Variants in PCDHGB3 observed in about 807,000 individuals in gnomAD.
The protein encoded by PCDHGB3 is protocadherin gamma-B3.
In PCDHGB3, 40 loss-of-function variants were observed where a neutral mutation model predicts 59.2. The observed-to-expected ratio is 0.68, with a 90% CI of 0.52 to 0.88. PCDHGB3 has a LOEUF of 0.88. PCDHGB3 is among the 40% of genes least tolerant of loss of function. The pLI is 0.00. For synonymous variants in PCDHGB3, 581 were observed against 503.6 expected (o/e 1.15, Z -2.06); for missense variants, 1,309 against 1,187.9 (o/e 1.10, Z -1.50).
At chr5:141,441,005 C>T (rs772059231) in intron 1 of PCDHGB3, 1 of 152,116 alleles carries the variant, frequency 6.6e-6, no homozygotes, top group Non-Finnish European at 1.5e-5. Context: ...CTAGTTTGGC[C>T]TTGATCAAAT....
At position 141,424,003 on chromosome 5, in the gene PCDHGB3, T is replaced by C. The variant is rs150506228; in HGVS notation, c.2415+51194T>C. 5.3e-3 allele frequency: 5,614 copies of C among 1,067,752 alleles called. 27 individuals carry two copies. The highest frequency in any genetic ancestry group is 0.01 in the Admixed American group (195 of 19,092). 66.1% of individuals were successfully genotyped at this position (1,067,752 alleles called of 1,614,324 possible). A position where few individuals can be genotyped will look rare whatever the true frequency, so the allele number is the denominator to read the frequency against. ...AGGCTCTCAATTTATTATATATAGA[T>C]ACAAATTAATGATTCACAAACACTT... On this transcript the variant is annotated intron_variant, in intron 1 of 3. Transcript: ENST00000576222.
intron 1 of PCDHGB3, chr5:141,426,420 C>T (rs2096934904): frequency 3.5e-6 from 1 of 287,972 alleles, no homozygotes; most frequent in Non-Finnish European, 6.9e-6. Flanking sequence ...TCCAGGGCTC[C>T]GTGGTGGGGA....
chr5:141,482,160 T>G (rs577572891), intron 1 of PCDHGB3, among the ~76,000 whole-genome samples: 1 of 151,854 alleles, frequency 6.6e-6, no homozygotes, highest in Admixed American at 6.6e-5. Context: ...GTCAAAGATA[T>G]GTAAGATTAA....
At position 141,370,324 on chromosome 5, in the gene PCDHGB3, C is replaced by T. The variant is rs1766812702; in HGVS notation, c.-71C>T. On this transcript the variant is annotated 5_prime_UTR_variant, in exon 1 of 4. Coordinates refer to ENST00000576222, the MANE Select transcript of PCDHGB3 (RefSeq NM_018924.5). The stretch of plus-strand genomic sequence containing the variant: ...GACAAAGCAAATAGTTGGTCCTGCT[C>T]GGAGAACTCTTGGGATTATTTAAAG... The T allele has an allele frequency of 7.3e-7, 1 of 1,378,622 alleles. No individual in the cohort carries two copies. Among genetic ancestry groups the T allele is most frequent in the African/African-American group, 1.4e-5 (1 of 69,158 alleles). The allele number at this position is 1,378,622 out of a possible 1,614,324, so 85.4% of individuals were successfully genotyped here. A position where few individuals can be genotyped will look rare whatever the true frequency, so the allele number is the denominator to read the frequency against.
At chr5:141,504,743 G>A (rs924744762) in intron 2 of PCDHGB3, among the ~76,000 whole-genome samples, 5 of 151,982 alleles carry the variant, frequency 3.3e-5, no homozygotes, top group African/African-American at 9.7e-5. Context: ...GGAAGCCATT[G>A]AATTTTAGAA....
chr5:141,477,571 C>A lies in PCDHGB3; in HGVS notation c.2416-17236C>A, dbSNP rs1470454976. ...TAAACCTAAGTGTCTGGGACCCCGA[C>A]GCCCCGCAGAATGCTCGGCTTTCTT... is the stretch of plus-strand genomic sequence containing the variant. On this transcript the variant is annotated intron_variant, in intron 1 of 3. Coordinates refer to ENST00000576222, the MANE Select transcript of PCDHGB3 (RefSeq NM_018924.5). The surrounding 1 kb of genome is among the most constrained non-coding windows in gnomAD (Gnocchi z 4.9). The A allele has an allele frequency of 3.1e-6, 5 of 1,614,042 alleles. No homozygotes were observed. In the South Asian group the frequency reaches 4.4e-5, roughly 14 times the overall value.
At chr5:141,386,031 T>C (rs1010302626) in intron 1 of PCDHGB3, 2 of 152,232 alleles carry the variant, frequency 1.3e-5, no homozygotes, top group Non-Finnish European at 1.5e-5. Flanking sequence ...ATTTGTGACA[T>C]AGGCAATTAC....
intron 1 of PCDHGB3, among the ~76,000 whole-genome samples, chr5:141,460,418 G>C (rs905215023): frequency 3.3e-5 from 5 of 152,096 alleles, no homozygotes; most frequent in Admixed American, 6.5e-5. Flanking sequence ...TGATGTTTAT[G>C]TATGGTGTAT....
At chr5:141,452,954 T>A (rs1315313825) in intron 1 of PCDHGB3, among the ~76,000 whole-genome samples, 5 of 152,220 alleles carry the variant, frequency 3.3e-5, no homozygotes, top group Non-Finnish European at 1.5e-5. Context: ...ATTGGTTGTC[T>A]TTAAACTGAG....
intron 1 of PCDHGB3, chr5:141,384,715 T>C: frequency 6.2e-7 from 1 of 1,614,088 alleles, no homozygotes. Flanking sequence ...CTGGCTGTCA[T>C]ACCTCCTGCT....
chr5:141,405,760 G>T (rs1048838050), intron 1 of PCDHGB3, among the ~76,000 whole-genome samples: 2 of 152,148 alleles, frequency 1.3e-5, no homozygotes, highest in East Asian at 3.9e-4. Context: ...TTACAGGCGT[G>T]AGCCACTGCG....
At chr5:141,373,805 GAT>G in intron 1 of PCDHGB3, 2 of 337,732 alleles carry the variant, frequency 5.9e-6, no homozygotes, top group African/African-American at 2.1e-5. Context: ...TCCTCTGTGT[GAT>G]AGTTTCACAA....
Position 141,486,046 on chromosome 5 carries a change from C to G in PCDHGB3, c.2416-8761C>G. 1.2e-6 allele frequency: 2 copies of G among 1,614,170 alleles called. No individual in the cohort carries two copies. Among genetic ancestry groups the G allele is most frequent in the Non-Finnish European group, 1.7e-6 (2 of 1,180,036 alleles). The stretch of plus-strand genomic sequence containing the variant: ...GTCATACCCCTGATCGTGTAAGAAA[C>G]CTCTTTAGCCTGCACCCCACTACTG... On this transcript the variant is annotated intron_variant, in intron 1 of 3. Coordinates refer to ENST00000576222, the MANE Select transcript of PCDHGB3 (RefSeq NM_018924.5). This position sits in a 1 kb window ranked among gnomAD's most constrained non-coding sequence, Gnocchi z 5.0.
At chr5:141,497,713 T>C (rs1357797720) in intron 2 of PCDHGB3, among the ~76,000 whole-genome samples, 3 of 152,084 alleles carry the variant, frequency 2.0e-5, no homozygotes, top group Non-Finnish European at 1.5e-5. Context: ...CTCATTTTTG[T>C]ATTTTTAGTA....
Position 141,476,072 on chromosome 5 carries a change from C to A in PCDHGB3, c.2416-18735C>A. 1.3e-6 allele frequency: 2 copies of A among 1,523,462 alleles called. No individual in the cohort carries two copies. The highest frequency in any genetic ancestry group is 1.3e-5 in the South Asian group (1 of 77,998). 94.4% of individuals were successfully genotyped at this position (1,523,462 alleles called of 1,614,324 possible). The stretch of plus-strand genomic sequence containing the variant: ...CGCTGAAAGTTTCTCAGCGAAATCT[C>A]AGGGACGATCTGGACCCCGCTGAGA... On this transcript the variant is annotated intron_variant, in intron 1 of 3. Coordinates refer to ENST00000576222, the MANE Select transcript of PCDHGB3 (RefSeq NM_018924.5). The surrounding 1 kb of genome is among the most constrained non-coding windows in gnomAD (Gnocchi z 7.6).
At chr5:141,382,813 T>A in intron 1 of PCDHGB3, 1 of 1,218,620 alleles carries the variant, frequency 8.2e-7, no homozygotes, top group East Asian at 2.4e-5. Flanking sequence ...GAGCTCCCCT[T>A]CCTAAGACAG....
At chr5:141,433,343 G>A (rs1591274674) in intron 1 of PCDHGB3, 1 of 630,308 alleles carries the variant, frequency 1.6e-6, no homozygotes, top group Admixed American at 3.0e-5. Flanking sequence ...ACAGGTGCAA[G>A]CCACCTACTG....
At chr5:141,421,370 A>G (rs765775416) in intron 1 of PCDHGB3, 4 of 1,613,916 alleles carry the variant, frequency 2.5e-6, no homozygotes, top group African/African-American at 1.3e-5. Flanking sequence ...TTCGTGGGCA[A>G]TATCTCCAAG....
chr5:141,388,458 C>T, intron 1 of PCDHGB3: 1 of 1,613,696 alleles, frequency 6.2e-7, no homozygotes, highest in Non-Finnish European at 8.5e-7. Context: ...CAGTAAATAC[C>T]CTGAGATGGT....
Sources: gnomAD v4.1 joint callset for allele counts (sites outside exome capture counted in the v4.1 genomes callset) on GRCh38, gnomAD v4.1.1 for gene constraint, Gnocchi (gnomAD v3.1) non-coding constraint, MANE v1.5 for transcripts, NCBI Gene and HGNC (gene_info 2026-07-23, HGNC 2026-07-21) for gene names.